NWD2: variants seen among roughly 807,000 people sequenced by gnomAD.
The protein encoded by NWD2 is NACHT and WD repeat domain containing 2.
In NWD2, 37 loss-of-function variants were observed where a neutral mutation model predicts 132.7. That is an observed-to-expected ratio of 0.28 (90% CI 0.21 to 0.37). The LOEUF (loss-of-function observed/expected upper bound fraction) is 0.37, where lower values mean the gene tolerates loss of function less well. NWD2 is among the 10% of genes least tolerant of loss of function. The pLI, the probability that NWD2 is intolerant of heterozygous loss-of-function variation, is 1.00. For missense variants in NWD2, 1,592 were observed against 2,122.4 expected (o/e 0.75, Z 4.91); for synonymous variants, 705 against 803.0 (o/e 0.88, Z 2.06).
At position 37,300,163 on chromosome 4, in the gene NWD2, C is replaced by T. The variant is rs188563714; in HGVS notation, c.152-25773C>T. Among the ~76,000 whole-genome samples the T allele has an allele frequency of 4.8e-3, 736 of 152,222 alleles. 7 individuals carry two copies. Among genetic ancestry groups the T allele is most frequent in the South Asian group, 0.011 (55 of 4,820 alleles). ...GATCATCGGACAAAACTAATTGTTC[C>T]TCTCTCTGTGCTTCAGTAGCACTTT... On this transcript the variant is annotated intron_variant, in intron 1 of 6. Coordinates refer to ENST00000309447, the MANE Select transcript of NWD2 (RefSeq NM_001144990.2).
At chr4:37,393,098 G>A (rs981222425) in intron 3 of NWD2, among the ~76,000 whole-genome samples, 4 of 152,168 alleles carry the variant, frequency 2.6e-5, no homozygotes, top group African/African-American at 9.7e-5. Flanking sequence ...GCCTCAGGAA[G>A]TGAAAGGGAG....
At position 37,430,791 on chromosome 4, in the gene NWD2, C is replaced by T. The variant is rs1247924386; in HGVS notation, c.561+16C>T. On this transcript the variant is annotated intron_variant, in intron 4 of 6. Transcript: ENST00000309447. ...TAGAAATGCAGTAAGCTGCCTTTCC[C>T]TCAAGCCTATGGATCTGTCCATTAC... 2.6e-6 allele frequency: 4 copies of T among 1,544,234 alleles called. No individual in the cohort carries two copies. The highest frequency in any genetic ancestry group is 3.5e-6 in the Non-Finnish European group (4 of 1,140,498).
chr4:37,265,158 A>G (rs1333672078), intron 1 of NWD2, among the ~76,000 whole-genome samples: 1 of 152,144 alleles, frequency 6.6e-6, no homozygotes, highest in East Asian at 1.9e-4. Flanking sequence ...ATTAATGATA[A>G]TACTGAATCA....
chr4:37,317,257 T>A (rs66786637), intron 1 of NWD2, among the ~76,000 whole-genome samples: 46,957 of 152,092 alleles, frequency 0.31, 7,628 homozygotes, highest in Non-Finnish European at 0.35. Context: ...CAGCCAGGAA[T>A]GTGTAAACAG....
chr4:37,430,816 C>A, intron 4 of NWD2, 41 bp downstream of exon 4: 1 of 1,491,988 alleles, frequency 6.7e-7, no homozygotes, highest in Non-Finnish European at 9.1e-7. Flanking sequence ...CTGTCCATTA[C>A]TACATTTGTT....
chr4:37,292,389 A>G (rs917100177), intron 1 of NWD2, among the ~76,000 whole-genome samples: 6 of 152,198 alleles, frequency 3.9e-5, no homozygotes, highest in African/African-American at 1.4e-4. Flanking sequence ...GGGCCCCTTC[A>G]TGTGAGGACG....
intron 3 of NWD2, among the ~76,000 whole-genome samples, chr4:37,421,299 G>T (rs1711800495): frequency 6.6e-6 from 1 of 152,122 alleles, no homozygotes; most frequent in South Asian, 2.1e-4. Context: ...CTGTACTTTG[G>T]AGGTAATGTA....
chr4:37,378,501 T>C (rs535027191), intron 3 of NWD2, among the ~76,000 whole-genome samples: 8 of 152,350 alleles, frequency 5.3e-5, no homozygotes, highest in Non-Finnish European at 7.4e-5. Flanking sequence ...CATGTAACAA[T>C]GGCAAATGCC....
intron 3 of NWD2, among the ~76,000 whole-genome samples, chr4:37,428,817 T>G (rs1712075812): frequency 6.6e-6 from 1 of 152,196 alleles, no homozygotes; most frequent in Non-Finnish European, 1.5e-5. Flanking sequence ...CTGCAACTTC[T>G]GCCTTCCAGG....
intron 2 of NWD2, among the ~76,000 whole-genome samples, chr4:37,348,864 T>TGATGTTCCCCTCCCTGTGTGC (rs1719703175): frequency 6.6e-6 from 1 of 151,162 alleles, no homozygotes; most frequent in African/African-American, 2.4e-5. Flanking sequence ...CCCCTGTGTG[T>TGATGTTCCCCTCCCTGTGTGC]GATGTTCCCC....
intron 3 of NWD2, among the ~76,000 whole-genome samples, chr4:37,381,264 G>A (rs1216165251): frequency 6.6e-6 from 1 of 152,100 alleles, no homozygotes; most frequent in African/African-American, 2.4e-5. Flanking sequence ...CTCTTCCCAC[G>A]TCACCATCAG....
At chr4:37,404,237 A>G (rs1720951617) in intron 3 of NWD2, among the ~76,000 whole-genome samples, 2 of 152,328 alleles carry the variant, frequency 1.3e-5, no homozygotes, top group South Asian at 4.1e-4. Context: ...TCTAACTTAC[A>G]ATGTCATAGG....
At chr4:37,358,550 G>C (rs781385023) in intron 3 of NWD2, among the ~76,000 whole-genome samples, 26 of 152,082 alleles carry the variant, frequency 1.7e-4, no homozygotes, top group Non-Finnish European at 2.9e-4. Context: ...CTTCCTCTCA[G>C]GTTTTTGGAT....
intron 1 of NWD2, among the ~76,000 whole-genome samples, chr4:37,259,230 CTA>C: frequency 1.3e-5 from 2 of 152,278 alleles, no homozygotes; most frequent in African/African-American, 4.8e-5. Flanking sequence ...AAATGCAACT[CTA>C]TGTTTTATAT....
At chr4:37,364,804 C>A (rs1219108455) in intron 3 of NWD2, among the ~76,000 whole-genome samples, 1 of 151,980 alleles carries the variant, frequency 6.6e-6, no homozygotes, top group African/African-American at 2.4e-5. Context: ...TGGCAGTGGA[C>A]CCTAAGCCCA....
In NWD2 at chr4:37,448,743, T is replaced by C. The variant is rs1159127401; in HGVS notation, c.*1526T>C. 15 of 152,198 alleles carry C rather than the reference T, an allele frequency of 9.9e-5. No homozygotes were observed. The highest frequency in any genetic ancestry group is 9.8e-4 in the Admixed American group (15 of 15,280). The allele number at this position is 152,198 out of a possible 1,614,324, so 9.4% of individuals were successfully genotyped here. ...GGTCTTTAACTTCATCAGTGTGTTGTTTTTGTGAAGTGCAAAATAAAGATA... is the reference window on the plus strand; with the variant it reads ...GGTCTTTAACTTCATCAGTGTGTTGCTTTTGTGAAGTGCAAAATAAAGATA... On this transcript the variant is annotated 3_prime_UTR_variant, in exon 7 of 7. Coordinates refer to ENST00000309447, the MANE Select transcript of NWD2 (RefSeq NM_001144990.2).
At chr4:37,341,643 T>C (rs1719527844) in intron 2 of NWD2, among the ~76,000 whole-genome samples, 1 of 152,106 alleles carries the variant, frequency 6.6e-6, no homozygotes, top group Non-Finnish European at 1.5e-5. Flanking sequence ...GCAGAGAAGG[T>C]GTAAAATAGC....
rs1717866054 is a variant in NWD2 at position 37,271,242 on chromosome 4, G to A, written c.151+26024G>A. On this transcript the variant is annotated intron_variant, in intron 1 of 6. Coordinates refer to ENST00000309447, the MANE Select transcript of NWD2 (RefSeq NM_001144990.2). ...TATCCAAGATCTTCTAATTTTCCAT[G>A]TAAATATTAAAATCTGTCAAGTTCT... Among the ~76,000 whole-genome samples the A allele has an allele frequency of 4.6e-5, 7 of 151,832 alleles. No individual in the cohort carries two copies. In the South Asian group the frequency reaches 1.4e-3, roughly 31 times the overall value.
intron 1 of NWD2, among the ~76,000 whole-genome samples, chr4:37,314,422 G>C (rs1466988355): frequency 6.6e-6 from 1 of 152,104 alleles, no homozygotes; most frequent in Non-Finnish European, 1.5e-5. Context: ...TTTATGGAAA[G>C]ATTTTAATAA....
Sources: gnomAD v4.1 joint callset for allele counts (sites outside exome capture counted in the v4.1 genomes callset) on GRCh38, gnomAD v4.1.1 for gene constraint, MANE v1.5 for transcripts, NCBI Gene and HGNC (gene_info 2026-07-23, HGNC 2026-07-21) for gene names.